Variants in RALGAPA2 observed in about 807,000 individuals in gnomAD.
RALGAPA2 encodes Ral GTPase activating protein catalytic subunit alpha 2, also known as ral GTPase-activating protein subunit alpha-2.
A neutral mutation model predicts 230.4 loss-of-function variants in RALGAPA2; 139 were observed. That is an observed-to-expected ratio of 0.60 (90% confidence interval 0.53 to 0.69). The LOEUF (loss-of-function observed/expected upper bound fraction) is 0.69. Ranked by LOEUF, RALGAPA2 falls within the 30% of genes least tolerant of loss-of-function variation. RALGAPA2 has a pLI of 0.00. For missense variants in RALGAPA2, 2,163 were observed against 2,276.0 expected, an observed-to-expected ratio of 0.95 and a Z score of 1.01; for synonymous variants, 847 against 837.8, an observed-to-expected ratio of 1.01 and a Z score of -0.19.
chr20:20,410,143 C>T (rs1399466326), intron 38 of RALGAPA2, among the ~76,000 whole-genome samples: 5 of 152,142 alleles, frequency 3.3e-5, no homozygotes, highest in Admixed American at 6.5e-5. Context: ...AAAAATATGA[C>T]GTTCTTGAAG....
At chr20:20,495,377 T>C in intron 35 of RALGAPA2, 102 bp from the exon 36 acceptor site, 1 of 1,003,886 alleles carries the variant, frequency 1.0e-6, no homozygotes. Flanking sequence ...GCCAAAAAAA[T>C]TTCACTACCA....
At chr20:20,659,595 A>C (rs1460560114) in intron 3 of RALGAPA2, 1 of 253,136 alleles carries the variant, frequency 4.0e-6, no homozygotes, top group Non-Finnish European at 7.9e-6. Context: ...ATATTTACAT[A>C]ATTGGAGTTA....
chr20:20,680,533 G>C (rs992324772), intron 2 of RALGAPA2, among the ~76,000 whole-genome samples, 158 bp downstream of exon 2: 4 of 152,260 alleles, frequency 2.6e-5, no homozygotes, highest in Admixed American at 2.0e-4. Flanking sequence ...GAAAGCTCAA[G>C]AGAAACAAAG....
At chr20:20,570,948 C>A (rs537906377) in intron 23 of RALGAPA2, among the ~76,000 whole-genome samples, 1 of 152,280 alleles carries the variant, frequency 6.6e-6, no homozygotes, top group Admixed American at 6.5e-5. Flanking sequence ...GCTCCTTGGG[C>A]CTTTCTGTTC....
intron 3 of RALGAPA2, among the ~76,000 whole-genome samples, chr20:20,669,479 T>A: frequency 6.6e-6 from 1 of 152,098 alleles, no homozygotes; most frequent in East Asian, 1.9e-4. Context: ...CCCAACCACA[T>A]CCTTTTATGG....
At chr20:20,482,026 G>T (rs1012411505) in intron 36 of RALGAPA2, among the ~76,000 whole-genome samples, 2 of 152,080 alleles carry the variant, frequency 1.3e-5, no homozygotes, top group Non-Finnish European at 2.9e-5. Context: ...CTGAGAAACA[G>T]AATTTTTATT....
chr20:20,536,585 G>A, intron 25 of RALGAPA2, 71 bp downstream of exon 25: 1 of 1,512,716 alleles, frequency 6.6e-7, no homozygotes, highest in Middle Eastern at 1.9e-4. Flanking sequence ...ATACACTAAT[G>A]GAAGAGATAA....
intron 1 of RALGAPA2, among the ~76,000 whole-genome samples, chr20:20,706,179 C>T (rs937032507): frequency 2.0e-5 from 3 of 152,208 alleles, no homozygotes; most frequent in African/African-American, 7.2e-5. Context: ...GGAAGCCAAC[C>T]TTTTTCAGTT....
At position 20,495,283 on chromosome 20, in the gene RALGAPA2, A is replaced by T; in HGVS notation, c.5209-8T>A. 6.6e-7 allele frequency: 1 copy of T among 1,517,380 alleles called. No individual in the cohort carries two copies. Among genetic ancestry groups the T allele is most frequent in the Non-Finnish European group, 9.0e-7 (1 of 1,115,576 alleles). 94.0% of individuals were successfully genotyped at this position (1,517,380 alleles called of 1,614,324 possible). ...ATTCCCCAAGTGACGAAGCTGCAAC[A>T]GCAAATTGACTGTTTATTAATCAGG... On this transcript the variant is annotated splice_polypyrimidine_tract_variant and splice_region_variant and intron_variant, in intron 35 of 39. Transcript: ENST00000202677.
chr20:20,471,383 T>C (rs1364006226), intron 37 of RALGAPA2: 1 of 150,494 alleles, frequency 6.6e-6, no homozygotes, highest in Non-Finnish European at 1.5e-5. Context: ...GGAATTAATA[T>C]AAAATGGAAT....
At chr20:20,636,132 A>G (rs2066849525) in intron 8 of RALGAPA2, among the ~76,000 whole-genome samples, 1 of 152,198 alleles carries the variant, frequency 6.6e-6, no homozygotes, top group African/African-American at 2.4e-5. Flanking sequence ...TTTATATTTA[A>G]AAGAATTAAG....
chr20:20,628,467 G>A (rs1603119039), intron 10 of RALGAPA2, among the ~76,000 whole-genome samples: 1 of 152,272 alleles, frequency 6.6e-6, no homozygotes, highest in East Asian at 1.9e-4. Flanking sequence ...AGAGTCAAGT[G>A]GCACTGGCCA....
chr20:20,535,257 C>T (rs1389592205), intron 26 of RALGAPA2, among the ~76,000 whole-genome samples: 1 of 152,116 alleles, frequency 6.6e-6, no homozygotes, highest in African/African-American at 2.4e-5. Flanking sequence ...GAGGCAGAAA[C>T]TTTTCAATAC....
intron 13 of RALGAPA2, among the ~76,000 whole-genome samples, chr20:20,615,593 TGTTGACTGCACTA>T (rs1332598266): frequency 6.6e-6 from 1 of 152,252 alleles, no homozygotes; most frequent in Non-Finnish European, 1.5e-5. Flanking sequence ...AGGAACAGAT[TGTTGACTGCACTA>T]TGTATTTAGT....
chr20:20,504,584 G>C (rs1285775752), intron 34 of RALGAPA2, among the ~76,000 whole-genome samples: 2 of 152,106 alleles, frequency 1.3e-5, no homozygotes, highest in Non-Finnish European at 2.9e-5. Context: ...AAATCAGCTG[G>C]GTGTGGCGGC....
intron 37 of RALGAPA2, among the ~76,000 whole-genome samples, chr20:20,416,005 GCC>G (rs942768055): frequency 6.6e-6 from 1 of 152,192 alleles, no homozygotes; most frequent in Non-Finnish European, 1.5e-5. Flanking sequence ...AATCTCAGCT[GCC>G]CTTTTCCCTG....
At chr20:20,556,558 T>C (rs905444124) in intron 23 of RALGAPA2, among the ~76,000 whole-genome samples, 6 of 152,170 alleles carry the variant, frequency 3.9e-5, no homozygotes, top group Non-Finnish European at 5.9e-5. Context: ...ACCATTACAG[T>C]TTGTACAACA....
At chr20:20,628,311 C>A (rs1253485379) in intron 10 of RALGAPA2, among the ~76,000 whole-genome samples, 2 of 152,174 alleles carry the variant, frequency 1.3e-5, no homozygotes, top group Non-Finnish European at 2.9e-5. Context: ...GTCTAAGACT[C>A]TTCTTCTCCT....
chr20:20,519,589 A>G (rs537088903), intron 31 of RALGAPA2, among the ~76,000 whole-genome samples: 5 of 152,350 alleles, frequency 3.3e-5, no homozygotes, highest in African/African-American at 7.2e-5. Context: ...GTTGGGAAAT[A>G]TAACAGCTCC....
Sources: gnomAD v4.1 joint callset for allele counts (sites outside exome capture counted in the v4.1 genomes callset) on GRCh38, gnomAD v4.1.1 for gene constraint, MANE v1.5 for transcripts, NCBI Gene and HGNC (gene_info 2026-07-23, HGNC 2026-07-21) for gene names.